Variants in TEKT1 observed in about 807,000 individuals in gnomAD.
TEKT1 encodes tektin-1.
Under a neutral mutation model 34.8 loss-of-function variants are expected in TEKT1, and 32 were observed. The ratio of observed to expected loss-of-function variants is 0.92; its 90% CI spans 0.69 to 1.23. TEKT1 has a LOEUF of 1.23. Ranked by LOEUF, TEKT1 falls within the 50% of genes most tolerant of loss-of-function variation. TEKT1 has a pLI of 0.00. For synonymous variants in TEKT1, 207 were observed against 199.8 expected, an observed-to-expected ratio of 1.04 and a Z score of -0.30; for missense variants, 492 against 518.5, an observed-to-expected ratio of 0.95 and a Z score of 0.50.
chr17:6,823,780 A>G (rs535696298), intron 2 of TEKT1, among the ~76,000 whole-genome samples: 2 of 150,130 alleles, frequency 1.3e-5, no homozygotes, highest in South Asian at 4.2e-4. Flanking sequence ...AACCACTGAT[A>G]CAATAGAAGA....
At chr17:6,815,690 A>C in intron 4 of TEKT1, 144 bp downstream of exon 4, 2 of 1,293,000 alleles carry the variant, frequency 1.5e-6, no homozygotes, top group Non-Finnish European at 2.1e-6. Flanking sequence ...TCTTACCCTG[A>C]GTGCTGGGGC....
At chr17:6,827,015 A>G (rs1186610645) in intron 2 of TEKT1, among the ~76,000 whole-genome samples, 1 of 152,038 alleles carries the variant, frequency 6.6e-6, no homozygotes, top group Non-Finnish European at 1.5e-5. Context: ...TTTTTATATG[A>G]ATATCTAATT....
intron 3 of TEKT1, 148 bp from the exon 4 acceptor site, chr17:6,816,110 G>C: frequency 8.7e-7 from 1 of 1,143,650 alleles, no homozygotes; most frequent in South Asian, 1.6e-5. Flanking sequence ...ACAGATATTA[G>C]TTGGTGTCTA....
At position 6,809,429 on chromosome 17, in the gene TEKT1, G is replaced by A. The variant is rs182211240; in HGVS notation, c.852+3402C>T. On this transcript the variant is annotated intron_variant, in intron 6 of 7. Transcript: ENST00000338694. Reference sequence around the variant, plus strand: ...GTATTTTTAGTAGAGACAGGGTTTCGCTGTGTTGGCCAAGCTGGTCTTGAA... The same window carrying A: ...GTATTTTTAGTAGAGACAGGGTTTCACTGTGTTGGCCAAGCTGGTCTTGAA... Among the ~76,000 whole-genome samples the A allele has an allele frequency of 1.7e-3, 259 of 152,064 alleles. 3 individuals are homozygous for A. Among genetic ancestry groups the A allele is most frequent in the African/African-American group, 6.1e-3 (251 of 41,474 alleles).
chr17:6,800,982 C>G (rs1434068065), intron 6 of TEKT1, 39 bp from the exon 7 acceptor site: 1 of 1,556,520 alleles, frequency 6.4e-7, no homozygotes, highest in Non-Finnish European at 8.7e-7. Context: ...CCAAGCTGTG[C>G]TCCTCAAAAC....
intron 6 of TEKT1, among the ~76,000 whole-genome samples, chr17:6,803,970 A>G (rs1976812779): frequency 6.6e-6 from 1 of 152,018 alleles, no homozygotes; most frequent in South Asian, 2.1e-4. Context: ...TATGGACTTT[A>G]AAGTAGTTTT....
intron 6 of TEKT1, among the ~76,000 whole-genome samples, chr17:6,802,422 A>G (rs1471233328): frequency 6.7e-6 from 1 of 150,220 alleles, no homozygotes; most frequent in African/African-American, 2.4e-5. Flanking sequence ...AAATATTTGA[A>G]TTATCTTTTT....
chr17:6,826,696 ATTAT>A (rs1904410053), intron 2 of TEKT1, among the ~76,000 whole-genome samples: 2 of 144,596 alleles, frequency 1.4e-5, no homozygotes, highest in Admixed American at 6.8e-5. Flanking sequence ...TGGGATTATT[ATTAT>A]TTTTTTTTTT....
rs1904540751 is a variant in TEKT1 at position 6,830,338 on chromosome 17, G to C, written c.39C>G (p.Pro13=). 6.2e-7 allele frequency: 1 copy of C among 1,602,242 alleles called. No individual in the cohort carries two copies. The highest frequency in any genetic ancestry group is 1.3e-5 in the African/African-American group (1 of 74,354). The change falls in exon 2 of 8, where the codon CCC becomes CCG. Residue 13 remains proline, a synonymous_variant. Coordinates refer to ENST00000338694, the MANE Select transcript of TEKT1 (RefSeq NM_053285.2). ...TCTTGTTAGCAATGTGCCACTCTGA[G>C]GGCAGGAACTTGGGTGGAGGTTGTA... The part of the protein sequence containing the change: ...KLLQPPPKFL[P]SEWHIANKNQ...
At position 6,798,240 on chromosome 17, in the gene TEKT1, C is replaced by G. The variant is rs1374036908; in HGVS notation, c.*1787G>C. ...GGCGGGGATCACATCACAGGTAGAG[C>G]GTGGAGCTGATCCACCAGCTGATCT... is the stretch of plus-strand genomic sequence containing the variant. On this transcript the variant is annotated 3_prime_UTR_variant, in exon 8 of 8. Coordinates refer to ENST00000338694, the MANE Select transcript of TEKT1 (RefSeq NM_053285.2). 6.6e-6 allele frequency: 1 copy of G among 152,208 alleles called. No homozygotes were observed. Among genetic ancestry groups the G allele is most frequent in the African/African-American group, 2.4e-5 (1 of 41,448 alleles). The allele number at this position is 152,208 out of a possible 1,614,324, so 9.4% of individuals were successfully genotyped here. A position where few individuals can be genotyped will look rare whatever the true frequency, so the allele number is the denominator to read the frequency against.
At chr17:6,802,253 A>G (rs994252678) in intron 6 of TEKT1, among the ~76,000 whole-genome samples, 5 of 152,186 alleles carry the variant, frequency 3.3e-5, no homozygotes, top group African/African-American at 7.2e-5. Context: ...TAAGGTTTTC[A>G]TAAGTCCGGT....
At chr17:6,819,056 C>T (rs1977048421) in intron 3 of TEKT1, 137 bp downstream of exon 3, 2 of 1,069,372 alleles carry the variant, frequency 1.9e-6, no homozygotes, top group Non-Finnish European at 1.3e-6. Flanking sequence ...CAGGGGCATG[C>T]TGGGATAACT....
At chr17:6,823,987 T>C (rs1331623518) in intron 2 of TEKT1, among the ~76,000 whole-genome samples, 1 of 152,034 alleles carries the variant, frequency 6.6e-6, no homozygotes, top group African/African-American at 2.4e-5. Context: ...CATGCCTGGC[T>C]AATTTTTTGT....
chr17:6,810,489 T>A (rs1976911255), intron 6 of TEKT1, among the ~76,000 whole-genome samples: 2 of 152,198 alleles, frequency 1.3e-5, no homozygotes, highest in Admixed American at 6.5e-5. Context: ...CAGAATATCG[T>A]CATGTGAAAA....
intron 5 of TEKT1, 34 bp downstream of exon 5, chr17:6,815,129 A>G: frequency 6.3e-7 from 1 of 1,582,748 alleles, no homozygotes. Flanking sequence ...GCACTGGGTC[A>G]CCCGCGAGGA....
rs143989935 is a variant in TEKT1, at chr17:6,819,227, G to A, written c.322C>T (p.Pro108Ser). The A allele has an allele frequency of 3.7e-4, 592 of 1,613,848 alleles. 5 individuals carry two copies. In the East Asian group the frequency reaches 0.013, roughly 35 times the overall value. ...AGGCATGTCTCAGTGATGTGCAAGGGCTCTTTCAAGGTCTCCAGGGCTTTT... is the reference window on the plus strand; with the variant it reads ...AGGCATGTCTCAGTGATGTGCAAGGACTCTTTCAAGGTCTCCAGGGCTTTT... The part of the protein sequence containing the change: ...LEKALETLKE[P>S]LHITETCLAY... The change falls in exon 3 of 8, where the codon CCC (proline) becomes TCC (serine). Residue 108 changes from proline (P) to serine (S), a missense_variant. Pro to Ser is a moderately conservative substitution (Grantham distance 74). Transcript: ENST00000338694.
chr17:6,804,157 C>T (rs1976814983), intron 6 of TEKT1, among the ~76,000 whole-genome samples: 1 of 151,914 alleles, frequency 6.6e-6, no homozygotes, highest in Admixed American at 6.6e-5. Flanking sequence ...TTGTAGTTCT[C>T]CTTGAAGAGG....
At chr17:6,819,110 C>T in intron 3 of TEKT1, 83 bp downstream of exon 3, 1 of 1,493,108 alleles carries the variant, frequency 6.7e-7, no homozygotes. Flanking sequence ...TGTTCTAACT[C>T]ACCATCGCAC....
chr17:6,829,483 TTCTC>T, intron 2 of TEKT1, among the ~76,000 whole-genome samples: 1 of 151,848 alleles, frequency 6.6e-6, no homozygotes, highest in Admixed American at 6.6e-5. Flanking sequence ...CTTTCTTTCT[TTCTC>T]TCTTTCATTC....
Sources: allele counts gnomAD v4.1 joint callset (sites outside exome capture counted in the v4.1 genomes callset), GRCh38; gene constraint gnomAD v4.1.1; transcripts MANE v1.5; gene names NCBI Gene and HGNC (gene_info 2026-07-23, HGNC 2026-07-21).